SYTL3: variants seen among roughly 807,000 people sequenced by gnomAD.
SYTL3 encodes synaptotagmin-like protein 3.
Under a neutral mutation model 82.1 loss-of-function variants are expected in SYTL3, and 88 were observed. The observed-to-expected ratio is 1.07, with a 90% CI of 0.90 to 1.28. The LOEUF (loss-of-function observed/expected upper bound fraction) is 1.28, where lower values mean the gene tolerates loss of function less well. Among genes scored for constraint, SYTL3 ranks in the 50% most tolerant of loss-of-function variants. SYTL3 has a pLI of 0.00. For synonymous variants in SYTL3, 311 were observed against 289.4 expected (o/e 1.07, Z -0.76); for missense variants, 831 against 757.6 (o/e 1.10, Z -1.14).
At chr6:158,679,970 T>C (rs2128401092) in intron 5 of SYTL3, among the ~76,000 whole-genome samples, 1 of 152,288 alleles carries the variant, frequency 6.6e-6, no homozygotes, top group Middle Eastern at 3.4e-3. Flanking sequence ...GGCCCAGTGG[T>C]AACGGGCTGG....
At chr6:158,717,124 A>G (rs1456016971) in intron 9 of SYTL3, among the ~76,000 whole-genome samples, 2 of 151,768 alleles carry the variant, frequency 1.3e-5, no homozygotes, top group African/African-American at 2.4e-5. Context: ...TAATACAAAA[A>G]TTAGCCGGGC....
At position 158,752,295 on chromosome 6, in the gene SYTL3, G is replaced by A. The variant is rs150537459; in HGVS notation, c.1137+265G>A. Among the ~76,000 whole-genome samples, 41 of 152,284 alleles carry A rather than the reference G, an allele frequency of 2.7e-4. No homozygotes were observed. The East Asian group carries it at 4.4e-3, about 16-fold the overall frequency. On this transcript the variant is annotated intron_variant, in intron 13 of 17. Coordinates refer to ENST00000611299, the MANE Select transcript of SYTL3 (RefSeq NM_001242394.2). ...CTGAGAAGATGGTGAAAAAGAACCT[G>A]GCTGCCTCTTTGTCTCGGGCTAACA...
chr6:158,745,560 TG>T lies in SYTL3; in HGVS notation c.937del (p.Ala313ProfsTer11). 1 of 1,613,896 alleles carries T rather than the reference TG, an allele frequency of 6.2e-7. No individual in the cohort carries two copies. Among genetic ancestry groups the T allele is most frequent in the Non-Finnish European group, 8.5e-7 (1 of 1,179,942 alleles). ...CTAATGTCACTGGAGAAATAGAATTTGCCATTCATTATTGCTTCAAAACCCA... is the reference window on the plus strand; with the variant it reads ...CTAATGTCACTGGAGAAATAGAATTTCCATTCATTATTGCTTCAAAACCCA... ...NANVTGEIEF[A>X]IHYCFKTHSL... On this transcript the variant is annotated frameshift_variant, in exon 12 of 18. Transcript: ENST00000611299. LOFTEE classifies it high-confidence loss of function.
rs182993931 is a variant in SYTL3 at position 158,712,952 on chromosome 6, G to A, written c.517-848G>A. 4.4e-3 allele frequency among the ~76,000 whole-genome samples: 662 copies of A among 151,872 alleles called. 1 individual carries two copies. Among genetic ancestry groups the A allele is most frequent in the Non-Finnish European group, 7.3e-3 (497 of 67,928 alleles). ...TTTTTTTTGTATTTTTAGTAGAGAC[G>A]GGGTTTCACGTGTTAGCCAGGATGG... On this transcript the variant is annotated intron_variant, in intron 8 of 17. Transcript: ENST00000611299.
intron 8 of SYTL3, among the ~76,000 whole-genome samples, chr6:158,712,415 A>G (rs1782852159): frequency 1.3e-5 from 2 of 152,286 alleles, no homozygotes; most frequent in South Asian, 4.1e-4. Context: ...GGATGCCTAC[A>G]ATTAAGGTGT....
intron 11 of SYTL3, among the ~76,000 whole-genome samples, chr6:158,740,248 G>A (rs935828272): frequency 1.4e-4 from 21 of 151,784 alleles, no homozygotes; most frequent in Non-Finnish European, 5.9e-5. Context: ...TGCCTGCTTC[G>A]GTCTCCCAAA....
chr6:158,753,646 C>T (rs1035455425), intron 13 of SYTL3, among the ~76,000 whole-genome samples: 9 of 149,108 alleles, frequency 6.0e-5, no homozygotes, highest in African/African-American at 1.5e-4. Context: ...AGGAGAATGG[C>T]GTGAACCCGG....
intron 13 of SYTL3, among the ~76,000 whole-genome samples, chr6:158,755,950 C>CT (rs1043991911): frequency 6.6e-6 from 1 of 152,088 alleles, no homozygotes; most frequent in Non-Finnish European, 1.5e-5. Flanking sequence ...TTCCAAGCTG[C>CT]TTTTTTTTCA....
rs370928447 is a variant in SYTL3, at chr6:158,682,915, A to G, written c.330-10A>G. The G allele has an allele frequency of 3.1e-6, 5 of 1,611,198 alleles. No individual in the cohort carries two copies. The highest frequency in any genetic ancestry group is 3.3e-5 in the Admixed American group (2 of 59,926). On this transcript the variant is annotated splice_polypyrimidine_tract_variant and intron_variant, in intron 5 of 17. Coordinates refer to ENST00000611299, the MANE Select transcript of SYTL3 (RefSeq NM_001242394.2). ...TCTCTCTGAAGCTTCCTTTCTGCTCATTTTTTCAGGAATGTCAAAATAAAA... is the reference window on the plus strand; with the variant it reads ...TCTCTCTGAAGCTTCCTTTCTGCTCGTTTTTTCAGGAATGTCAAAATAAAA...
At chr6:158,720,223 A>G (rs1011341644) in intron 10 of SYTL3, among the ~76,000 whole-genome samples, 1 of 152,218 alleles carries the variant, frequency 6.6e-6, no homozygotes, top group East Asian at 1.9e-4. Context: ...CCAACATGGT[A>G]AAACCCCGTC....
intron 5 of SYTL3, among the ~76,000 whole-genome samples, chr6:158,681,037 A>G (rs1385600299): frequency 6.6e-6 from 1 of 152,216 alleles, no homozygotes; most frequent in Non-Finnish European, 1.5e-5. Context: ...GAAAGAACCT[A>G]ATGGAGAATT....
chr6:158,698,722 T>A (rs551384015), intron 6 of SYTL3, among the ~76,000 whole-genome samples: 13 of 152,368 alleles, frequency 8.5e-5, no homozygotes, highest in African/African-American at 3.1e-4. Flanking sequence ...TACCCACTTA[T>A]ATCGTGTATT....
At chr6:158,722,932 A>C (rs1462215804) in intron 10 of SYTL3, among the ~76,000 whole-genome samples, 1 of 147,012 alleles carries the variant, frequency 6.8e-6, no homozygotes, top group Non-Finnish European at 1.5e-5. Flanking sequence ...CACCCAGCTA[A>C]TTTTTGTATT....
At chr6:158,764,037 T>G (rs562830573) in intron 17 of SYTL3, among the ~76,000 whole-genome samples, 3 of 152,372 alleles carry the variant, frequency 2.0e-5, no homozygotes, top group Admixed American at 6.5e-5. Flanking sequence ...GACCTCCAAC[T>G]GAGAACCAGT....
intron 6 of SYTL3, among the ~76,000 whole-genome samples, chr6:158,705,994 CAG>C (rs1171760918): frequency 4.1e-4 from 62 of 152,162 alleles, no homozygotes; most frequent in Admixed American, 4.1e-3. Flanking sequence ...TGTTTTCTCT[CAG>C]GGGGCTCCTG....
intron 2 of SYTL3, among the ~76,000 whole-genome samples, chr6:158,655,124 A>G (rs1788524198): frequency 6.6e-6 from 1 of 152,304 alleles, no homozygotes; most frequent in South Asian, 2.1e-4. Context: ...AGATTTCCGT[A>G]TTCAAGCTAT....
At chr6:158,648,720 A>G (rs1233149491), upstream of SYTL3, among the ~76,000 whole-genome samples, 1 of 152,088 alleles carries the variant, frequency 6.6e-6, no homozygotes, top group Admixed American at 6.6e-5. Context: ...CCCTGTGCCA[A>G]GAAGTGTGTT....
chr6:158,678,504 A>T (rs1484112266), intron 5 of SYTL3, among the ~76,000 whole-genome samples: 1 of 152,212 alleles, frequency 6.6e-6, no homozygotes, highest in African/African-American at 2.4e-5. Flanking sequence ...AATGAGGTCA[A>T]AATATTTTCT....
intron 5 of SYTL3, among the ~76,000 whole-genome samples, chr6:158,675,094 C>T (rs1331310342): frequency 6.6e-6 from 1 of 152,144 alleles, no homozygotes; most frequent in Non-Finnish European, 1.5e-5. Flanking sequence ...TAGACTTACT[C>T]AATTTCAGTG....
Sources: allele counts gnomAD v4.1 joint callset (sites outside exome capture counted in the v4.1 genomes callset), GRCh38; gene constraint gnomAD v4.1.1; transcripts MANE v1.5; gene names NCBI Gene and HGNC (gene_info 2026-07-23, HGNC 2026-07-21).